The following SLC9C1 variants were observed in gnomAD, a reference collection of about 807,000 sequenced individuals.
The protein encoded by SLC9C1 is solute carrier family 9 member C1.
A neutral mutation model predicts 140.9 loss-of-function variants in SLC9C1; 97 were observed. That is an observed-to-expected ratio of 0.69 (90% CI 0.58 to 0.82). The LOEUF (loss-of-function observed/expected upper bound fraction) is 0.82. Ranked by LOEUF, SLC9C1 falls within the 40% of genes least tolerant of loss-of-function variation. The probability of loss-of-function intolerance (pLI) is 0.00; values close to 1 mark genes in which losing one functional copy is unlikely to be tolerated. For missense variants in SLC9C1, 1,340 were observed against 1,389.3 expected, an observed-to-expected ratio of 0.96 and a Z score of 0.56; for synonymous variants, 440 against 442.6, an observed-to-expected ratio of 0.99 and a Z score of 0.07.
At position 112,186,750 on chromosome 3, in the gene SLC9C1, G is replaced by T. The variant is rs993494076; in HGVS notation, c.2524-4492C>A. ...AGACAATATGATTTGGTTTAATGAT[G>T]GTTAAATAAAACAATGGAACAGAAA... On this transcript the variant is annotated intron_variant, in intron 20 of 28. Transcript: ENST00000305815. Among the ~76,000 whole-genome samples the T allele has an allele frequency of 1.8e-4, 27 of 152,272 alleles. No homozygotes were observed. The East Asian group carries it at 4.6e-3, about 26-fold the overall frequency.
chr3:112,234,203 G>T (rs1381684999), intron 12 of SLC9C1, among the ~76,000 whole-genome samples: 3 of 152,106 alleles, frequency 2.0e-5, no homozygotes, highest in African/African-American at 2.4e-5. Context: ...ATCTCGTTGT[G>T]GTTTTGATTT....
intron 22 of SLC9C1, 71 bp downstream of exon 22, chr3:112,180,493 A>T: frequency 7.9e-7 from 1 of 1,273,822 alleles, no homozygotes; most frequent in Non-Finnish European, 1.1e-6. Context: ...ATTGCACTCC[A>T]GCTTGGGCAA....
In SLC9C1 at chr3:112,240,011, G is replaced by T; in HGVS notation, c.1280-5C>A. On this transcript the variant is annotated splice_polypyrimidine_tract_variant and splice_region_variant and intron_variant, in intron 11 of 28. Coordinates refer to ENST00000305815, the MANE Select transcript of SLC9C1 (RefSeq NM_183061.3). ...TTGATGTGGCATCACGAAGACCTTT[G>T]ATACAAACACACATTTGATAAATAG... The T allele has an allele frequency of 6.2e-7, 1 of 1,606,370 alleles. No homozygotes were observed. The highest frequency in any genetic ancestry group is 1.1e-5 in the South Asian group (1 of 89,474).
chr3:112,193,304 G>A (rs1028991170), intron 20 of SLC9C1, among the ~76,000 whole-genome samples: 3 of 152,278 alleles, frequency 2.0e-5, no homozygotes, highest in Non-Finnish European at 2.9e-5. Context: ...GCATGGGCAT[G>A]CGACTATTTA....
intron 6 of SLC9C1, among the ~76,000 whole-genome samples, chr3:112,274,210 A>G (rs1179533256): frequency 2.6e-5 from 4 of 152,184 alleles, no homozygotes; most frequent in African/African-American, 4.8e-5. Flanking sequence ...AGAGGAGCAC[A>G]TAAGATGCTT....
At chr3:112,238,651 GTGTT>G (rs2079057753) in intron 12 of SLC9C1, among the ~76,000 whole-genome samples, 1 of 152,134 alleles carries the variant, frequency 6.6e-6, no homozygotes, top group African/African-American at 2.4e-5. Flanking sequence ...GATGTCCTTT[GTGTT>G]TGTTGTTTTT....
At chr3:112,197,894 G>A (rs1052404113) in intron 20 of SLC9C1, among the ~76,000 whole-genome samples, 11 of 151,964 alleles carry the variant, frequency 7.2e-5, no homozygotes, top group Non-Finnish European at 1.6e-4. Flanking sequence ...CTACAACATG[G>A]GTTGCAACTA....
intron 13 of SLC9C1, among the ~76,000 whole-genome samples, chr3:112,226,840 A>G (rs1168845302): frequency 6.6e-6 from 1 of 152,204 alleles, no homozygotes; most frequent in African/African-American, 2.4e-5. Context: ...AATAAAAATC[A>G]GAACTAAAAT....
At chr3:112,265,005 A>G (rs1425916142) in intron 8 of SLC9C1, among the ~76,000 whole-genome samples, 1 of 152,022 alleles carries the variant, frequency 6.6e-6, no homozygotes, top group Non-Finnish European at 1.5e-5. Flanking sequence ...ACAGTGAGAC[A>G]GGAACTAAAA....
chr3:112,239,825 A>T lies in SLC9C1; in HGVS notation c.1446+15T>A. ...AATCTGCATTAAAGCAATAAAAAAG[A>T]TATTACTTGCTTACCATGTATGGGT... On this transcript the variant is annotated intron_variant, in intron 12 of 28. Coordinates refer to ENST00000305815, the MANE Select transcript of SLC9C1 (RefSeq NM_183061.3). 5 of 1,594,264 alleles carry T rather than the reference A, an allele frequency of 3.1e-6. No individual in the cohort carries two copies. Among genetic ancestry groups the T allele is most frequent in the Non-Finnish European group, 4.3e-6 (5 of 1,170,230 alleles).
intron 5 of SLC9C1, among the ~76,000 whole-genome samples, chr3:112,275,550 T>C (rs1273672303): frequency 5.3e-5 from 8 of 150,274 alleles, no homozygotes; most frequent in African/African-American, 9.8e-5. Flanking sequence ...TTTCCTCTAT[T>C]TATGATGGCA....
chr3:112,277,093 G>A (rs550216246), intron 5 of SLC9C1, among the ~76,000 whole-genome samples: 1 of 152,178 alleles, frequency 6.6e-6, no homozygotes, highest in East Asian at 1.9e-4. Context: ...AGTGATGAAA[G>A]GGGACAATAA....
At chr3:112,241,532 A>G (rs945114338) in intron 11 of SLC9C1, among the ~76,000 whole-genome samples, 1 of 152,300 alleles carries the variant, frequency 6.6e-6, no homozygotes, top group African/African-American at 2.4e-5. Flanking sequence ...CCAAAGCAAT[A>G]TGCAGATTCA....
At chr3:112,216,602 A>C (rs1163262188) in intron 15 of SLC9C1, among the ~76,000 whole-genome samples, 1 of 152,076 alleles carries the variant, frequency 6.6e-6, no homozygotes, top group Non-Finnish European at 1.5e-5. Context: ...AGACACATGA[A>C]AAAATGCTCA....
Position 112,179,703 on chromosome 3 carries a change from T to C in SLC9C1, c.2749-2A>G. 3.1e-6 allele frequency: 5 copies of C among 1,597,394 alleles called. No homozygotes were observed. The highest frequency in any genetic ancestry group is 4.3e-6 in the Non-Finnish European group (5 of 1,175,192). ...TAAACCTGGCTTTGATTTTTCAAGC[T>C]GTTCAGGAACAAAGAAAGAGAAAAA... On this transcript the variant is annotated splice_acceptor_variant, in intron 22 of 28. Coordinates refer to ENST00000305815, the MANE Select transcript of SLC9C1 (RefSeq NM_183061.3). LOFTEE classifies it high-confidence loss of function.
At chr3:112,292,768 C>G (rs1014602612) in intron 1 of SLC9C1, among the ~76,000 whole-genome samples, 9 of 151,728 alleles carry the variant, frequency 5.9e-5, no homozygotes, top group Non-Finnish European at 7.4e-5. Context: ...TGGTCTCGAT[C>G]TCCTGACCTT....
In SLC9C1 at chr3:112,266,242, G is replaced by C; in HGVS notation, c.874C>G (p.Leu292Val). 6.2e-7 allele frequency: 1 copy of C among 1,601,938 alleles called. No homozygotes were observed. Among genetic ancestry groups the C allele is most frequent in the South Asian group, 1.1e-5 (1 of 89,266 alleles). Reference sequence around the variant, plus strand: ...CAAAATATGCTATCCACTTACTCAAGAAGAAGTGTTTCTTCAATTGCTGCT... The same window carrying C: ...CAAAATATGCTATCCACTTACTCAACAAGAAGTGTTTCTTCAATTGCTGCT... The part of the protein sequence containing the change: ...FKAAIEETLL[L>V]EFWTFLSRIA... Residue 292 changes from leucine (L) to valine (V), a missense_variant, in exon 8 of 29, where the codon CTT (leucine) becomes GTT (valine). Physicochemically the swap from Leu to Val is conservative, Grantham distance 32. Transcript: ENST00000305815.
chr3:112,210,810 AG>A (rs1207430240), intron 15 of SLC9C1, among the ~76,000 whole-genome samples: 1 of 152,192 alleles, frequency 6.6e-6, no homozygotes, highest in African/African-American at 2.4e-5. Context: ...GTCTCCTCTG[AG>A]GTGGCTACCA....
At chr3:112,177,799 T>C (rs9830268) in intron 23 of SLC9C1, among the ~76,000 whole-genome samples, 2 of 149,368 alleles carry the variant, frequency 1.3e-5, no homozygotes, top group African/African-American at 4.9e-5. Context: ...GTTTTTTTTT[T>C]ATAGCAGATG....
Sources: gnomAD v4.1 joint callset for allele counts (sites outside exome capture counted in the v4.1 genomes callset) on GRCh38, gnomAD v4.1.1 for gene constraint, MANE v1.5 for transcripts, NCBI Gene and HGNC (gene_info 2026-07-23, HGNC 2026-07-21) for gene names.